The following KLHL13 variants were observed in gnomAD, a reference collection of about 807,000 sequenced individuals.
The protein encoded by KLHL13 is kelch-like protein 13.
In KLHL13, 10 loss-of-function variants were observed where a neutral mutation model predicts 37.1. The ratio of observed to expected loss-of-function variants is 0.27; its 90% CI spans 0.17 to 0.46. The LOEUF (loss-of-function observed/expected upper bound fraction) is 0.46. KLHL13 is among the 20% of genes least tolerant of loss of function. The pLI is 1.00. For synonymous variants in KLHL13, 163 were observed against 181.2 expected (o/e 0.90, Z 0.81); for missense variants, 360 against 509.3 (o/e 0.71, Z 2.82).
At position 118,029,836 on chromosome X, in the gene KLHL13, T is replaced by C. The variant is rs142922127; in HGVS notation, c.-55-84261A>G. Among the ~76,000 whole-genome samples, 179 of 109,715 alleles carry C rather than the reference T, an allele frequency of 1.6e-3. 2 individuals are homozygous for C. Among genetic ancestry groups the C allele is most frequent in the African/African-American group, 5.7e-3 (173 of 30,095 alleles). ...TACAAAAATTAGCTGGGCATGGTGGTATGTGCCTGTAGACCCAGCTACTCA... is the reference window on the plus strand; with the variant it reads ...TACAAAAATTAGCTGGGCATGGTGGCATGTGCCTGTAGACCCAGCTACTCA... On this transcript the variant is annotated intron_variant, in intron 1 of 6. Transcript: ENST00000371882.
intron 1 of KLHL13, among the ~76,000 whole-genome samples, chrX:118,070,744 AT>A (rs1164966114): frequency 2.1e-5 from 2 of 95,829 alleles, no homozygotes; most frequent in Non-Finnish European, 3.9e-5. Flanking sequence ...ATTTTTAAAT[AT>A]TTTTATTTAT....
At chrX:117,971,491 C>T (rs1399498544) in intron 1 of KLHL13, among the ~76,000 whole-genome samples, 1 of 99,682 alleles carries the variant, frequency 1.0e-5, no homozygotes, top group Non-Finnish European at 1.9e-5. Context: ...TTTTTACAAA[C>T]TAGCCTATTT....
chrX:118,044,349 A>T (rs1384630156), intron 1 of KLHL13, among the ~76,000 whole-genome samples: 1 of 109,721 alleles, frequency 9.1e-6, no homozygotes, highest in Admixed American at 9.8e-5. Context: ...CAAAATACCA[A>T]TGACATTCTT....
chrX:118,012,842 G>T (rs377715432), intron 1 of KLHL13, among the ~76,000 whole-genome samples: 1 of 111,409 alleles, frequency 9.0e-6, no homozygotes, highest in Admixed American at 9.6e-5. Context: ...AGCCTCTAAA[G>T]AAGGTATATA....
At chrX:118,021,830 T>C (rs1325133457) in intron 1 of KLHL13, among the ~76,000 whole-genome samples, 1 of 111,836 alleles carries the variant, frequency 8.9e-6, no homozygotes, top group Non-Finnish European at 1.9e-5. Context: ...TCCACAATGG[T>C]TGAACTAGTT....
chrX:118,030,240 A>G (rs2054322266), intron 1 of KLHL13, among the ~76,000 whole-genome samples: 1 of 112,023 alleles, frequency 8.9e-6, no homozygotes, highest in Non-Finnish European at 1.9e-5. Flanking sequence ...GAAACTGAGT[A>G]GGTTAAATGA....
intron 1 of KLHL13, among the ~76,000 whole-genome samples, chrX:117,994,897 A>C (rs1380471677): frequency 9.1e-6 from 1 of 110,114 alleles, no homozygotes; most frequent in East Asian, 2.8e-4. Flanking sequence ...CTGTATAAAA[A>C]ATAAAAAATA....
chrX:118,059,322 A>T (rs1415593607), intron 1 of KLHL13, among the ~76,000 whole-genome samples: 3 of 112,110 alleles, frequency 2.7e-5, no homozygotes, highest in South Asian at 7.4e-4. Flanking sequence ...ATTCTGGAAC[A>T]GTTCATCTCC....
At chrX:117,962,603 A>G (rs2053322759) in intron 1 of KLHL13, among the ~76,000 whole-genome samples, 1 of 112,059 alleles carries the variant, frequency 8.9e-6, no homozygotes, top group Non-Finnish European at 1.9e-5. Context: ...CTTCAACTTC[A>G]CCACTTGACA....
chrX:118,073,427 A>C (rs1351945103), intron 1 of KLHL13, among the ~76,000 whole-genome samples: 1 of 110,909 alleles, frequency 9.0e-6, no homozygotes, highest in Non-Finnish European at 1.9e-5. Context: ...TGCCCCCATG[A>C]TTCAATTACC....
At chrX:118,084,902 C>T (rs979516065) in intron 1 of KLHL13, among the ~76,000 whole-genome samples, 5 of 109,463 alleles carry the variant, frequency 4.6e-5, no homozygotes, top group Admixed American at 3.9e-4. Flanking sequence ...GCATGTGGTG[C>T]GGTCCCAGCT....
chrX:118,047,844 A>G (rs1481267764), intron 1 of KLHL13, among the ~76,000 whole-genome samples: 2 of 111,970 alleles, frequency 1.8e-5, no homozygotes, highest in Non-Finnish European at 3.8e-5. Flanking sequence ...GATCTGGTAA[A>G]AAAGAGTAAG....
chrX:118,084,215 T>C lies in KLHL13; in HGVS notation c.-56+32293A>G, dbSNP rs192459868. 1.6e-4 allele frequency among the ~76,000 whole-genome samples: 18 copies of C among 111,081 alleles called. No individual in the cohort carries two copies. The East Asian group carries it at 4.5e-3, about 28-fold the overall frequency. On this transcript the variant is annotated intron_variant, in intron 1 of 6. Coordinates refer to the KLHL13 transcript ENST00000371882. The stretch of plus-strand genomic sequence containing the variant: ...AAGTGGTCACATGCACCTGTAGTCC[T>C]ACCTGCTCTTGGGAAGCTGAGGCAG...
At chrX:117,949,519 T>C (rs1232816947) in intron 1 of KLHL13, among the ~76,000 whole-genome samples, 2 of 111,525 alleles carry the variant, frequency 1.8e-5, no homozygotes, top group South Asian at 7.6e-4. Context: ...AGTAAATATG[T>C]TTGTTGGAAT....
intron 4 of KLHL13, among the ~76,000 whole-genome samples, chrX:117,918,969 A>G (rs1030602940): frequency 1.1e-4 from 12 of 112,214 alleles, no homozygotes; most frequent in African/African-American, 3.9e-4. Context: ...AAACAGTTAA[A>G]GTATATATCT....
At chrX:117,970,854 TAG>T (rs1024890235) in intron 1 of KLHL13, among the ~76,000 whole-genome samples, 4 of 111,885 alleles carry the variant, frequency 3.6e-5, no homozygotes, top group South Asian at 3.7e-4. Flanking sequence ...TTCAATAATA[TAG>T]AGTGTTGTAA....
At chrX:118,099,754 C>G (rs2055261914) in intron 1 of KLHL13, among the ~76,000 whole-genome samples, 1 of 109,545 alleles carries the variant, frequency 9.1e-6, no homozygotes, top group Non-Finnish European at 1.9e-5. Flanking sequence ...TTGCAGTGAG[C>G]TGAGATGGTG....
chrX:117,962,301 A>G (rs1247632305), intron 1 of KLHL13, among the ~76,000 whole-genome samples: 1 of 106,137 alleles, frequency 9.4e-6, no homozygotes, highest in African/African-American at 3.5e-5. Flanking sequence ...AAAGAAATAC[A>G]TAGAGGTTTG....
intron 1 of KLHL13, among the ~76,000 whole-genome samples, chrX:118,055,389 T>G (rs2054674053): frequency 8.9e-6 from 1 of 112,305 alleles, no homozygotes; most frequent in South Asian, 3.7e-4. Flanking sequence ...CATGGCATCT[T>G]AAAATTAACC....
Sources: gnomAD v4.1 joint callset for allele counts (sites outside exome capture counted in the v4.1 genomes callset) on GRCh38, gnomAD v4.1.1 for gene constraint, MANE v1.5 for transcripts, NCBI Gene and HGNC (gene_info 2026-07-23, HGNC 2026-07-21) for gene names.